Variants in LCN15 observed in about 807,000 individuals in gnomAD.
LCN15 encodes lipocalin-15.
A neutral mutation model predicts 23.1 loss-of-function variants in LCN15; 26 were observed. That is an observed-to-expected ratio of 1.13 (90% CI 0.82 to 1.56). The LOEUF is 1.56. Ranked by LOEUF, LCN15 falls within the 40% of genes most tolerant of loss-of-function variation. The probability of loss-of-function intolerance (pLI) is 0.00; values close to 1 mark genes in which losing one functional copy is unlikely to be tolerated. For synonymous variants in LCN15, 107 were observed against 98.3 expected (o/e 1.09, Z -0.52); for missense variants, 241 against 239.5 (o/e 1.01, Z -0.04).
At chr9:136,764,121 C>CA in intron 1 of LCN15, 112 bp from the exon 2 acceptor site, 3 of 1,401,668 alleles carry the variant, frequency 2.1e-6, no homozygotes, top group Non-Finnish European at 2.9e-6. Flanking sequence ...TCGGAGTGGC[C>CA]ATGTCTTGGG....
In LCN15 at chr9:136,764,082, A is replaced by G; in HGVS notation, c.97-73T>C. 2.5e-6 allele frequency: 4 copies of G among 1,570,050 alleles called. No homozygotes were observed. The Admixed American group carries it at 5.2e-5, about 20-fold the overall frequency. On this transcript the variant is annotated intron_variant, in intron 1 of 6. Transcript: ENST00000316144. ...CCCTCCTTGCCCAGGGACCCAGGGG[A>G]CAACTCAGAAGTCACACAGCAAGGG...
In LCN15 at chr9:136,764,505, C is replaced by T. The variant is rs377147536; in HGVS notation, c.-17G>A. On this transcript the variant is annotated 5_prime_UTR_variant, in exon 1 of 7. Transcript: ENST00000316144. ...TGACATCATCCCCTCCCCTGCCCTC[C>T]AGCCCCTGGTGCTGAGTCCCCAAGC... 31 of 1,603,928 alleles carry T rather than the reference C, an allele frequency of 1.9e-5. No homozygotes were observed. Among genetic ancestry groups the T allele is most frequent in the Non-Finnish European group, 2.4e-5 (28 of 1,174,682 alleles).
Sources: allele counts gnomAD v4.1 joint callset, GRCh38; gene constraint gnomAD v4.1.1; transcripts MANE v1.5; gene names NCBI Gene and HGNC (gene_info 2026-07-23, HGNC 2026-07-21).